Variants in CRLF2 observed in about 807,000 individuals in gnomAD.
CRLF2 encodes the protein cytokine receptor like factor 2, also known as cytokine receptor-like factor 2.
In CRLF2, 41 loss-of-function variants were observed where a neutral mutation model predicts 38.7. That is an observed-to-expected ratio of 1.06 (90% CI 0.83 to 1.37). The LOEUF is 1.37. Among genes scored for constraint, CRLF2 ranks in the 40% most tolerant of loss-of-function variants. The pLI, the probability that CRLF2 is intolerant of heterozygous loss-of-function variation, is 0.00. For synonymous variants in CRLF2, 140 were observed against 128.8 expected (o/e 1.09, Z -0.59); for missense variants, 377 against 322.2 (o/e 1.17, Z -1.30).
At chrX:1,193,707 G>A (rs1199890245) in intron 6 of CRLF2, among the ~76,000 whole-genome samples, 11 of 151,080 alleles carry the variant, frequency 7.3e-5, no homozygotes, top group East Asian at 3.9e-4. Context: ...GCGTGAACCC[G>A]GGAGGTGGAG....
Position 1,198,613 on chromosome X carries a change from A to G in CRLF2, c.595T>C (p.Tyr199His), listed in dbSNP as rs201170199. ...GTCACCTCTGACCAGTCGCTTGGGTATGTGTCTGGCCCATATACATCCTCC... is the reference window on the plus strand; with the variant it reads ...GTCACCTCTGACCAGTCGCTTGGGTGTGTGTCTGGCCCATATACATCCTCC... ...AMEDVYGPDT[Y>H]PSDWSEVTCW... Residue 199 changes from tyrosine (Y) to histidine (H), a missense_variant, in exon 5 of 8, where the codon TAC becomes CAC. Physicochemically the swap from Tyr to His is moderately conservative, Grantham distance 83. Coordinates refer to ENST00000400841, the MANE Select transcript of CRLF2 (RefSeq NM_022148.4). 5.9e-4 allele frequency: 945 copies of G among 1,613,508 alleles called. 2 individuals are homozygous for G. The highest frequency in any genetic ancestry group is 7.7e-4 in the Non-Finnish European group (908 of 1,179,672).
chrX:1,198,631 C>T lies in CRLF2; in HGVS notation c.577G>A (p.Val193Ile), dbSNP rs2086542357. The T allele has an allele frequency of 6.2e-6, 10 of 1,613,584 alleles. No homozygotes were observed. Among genetic ancestry groups the T allele is most frequent in the Non-Finnish European group, 8.5e-6 (10 of 1,179,636 alleles). ...FWVRVKAMEDVYGPDTYPSDW... is the reference protein window; with the variant it reads ...FWVRVKAMEDIYGPDTYPSDW... Reference sequence around the variant, plus strand: ...CTTGGGTATGTGTCTGGCCCATATACATCCTCCATAGCCTTCACCCTGACC... The same window carrying T: ...CTTGGGTATGTGTCTGGCCCATATATATCCTCCATAGCCTTCACCCTGACC... Residue 193 changes from valine (V) to isoleucine (I), a missense_variant, in exon 5 of 8, where the codon GTA becomes ATA. Coordinates refer to ENST00000400841, the MANE Select transcript of CRLF2 (RefSeq NM_022148.4).
intron 1 of CRLF2, among the ~76,000 whole-genome samples, chrX:1,211,139 A>G (rs28635629): frequency 0.44 from 62,896 of 141,580 alleles, 15,494 homozygotes; most frequent in African/African-American, 0.66. Context: ...GTCAGTGGAT[A>G]AATAAATGGA....
chrX:1,206,321 G>C (rs1420781342), intron 3 of CRLF2, 112 bp downstream of exon 3: 1 of 949,800 alleles, frequency 1.1e-6, no homozygotes. Flanking sequence ...CTTCTCAATA[G>C]TTAACGGTAA....
rs2086449927 is a variant in CRLF2, at chrX:1,194,858, C to A, written c.768-1556G>T. On this transcript the variant is annotated intron_variant, in intron 6 of 7. Coordinates refer to ENST00000400841, the MANE Select transcript of CRLF2 (RefSeq NM_022148.4). ...ACCAGCCTGGCCAACACGGTGAAAC[C>A]CCGTCTCTACTAAAAATACAAAAAT... Among the ~76,000 whole-genome samples, 5 of 151,832 alleles carry A rather than the reference C, an allele frequency of 3.3e-5. No individual in the cohort carries two copies. The South Asian group carries it at 1.0e-3, about 32-fold the overall frequency.
intron 2 of CRLF2, among the ~76,000 whole-genome samples, chrX:1,207,286 G>C (rs1352083220): frequency 1.4e-5 from 2 of 143,152 alleles, no homozygotes; most frequent in Non-Finnish European, 3.0e-5. Context: ...ACAGAGTTTT[G>C]TTCTTGTTGC....
In CRLF2 at chrX:1,206,613, CGAT is replaced by C. The variant is rs2086696188; in HGVS notation, c.183-17_183-15del. 1 of 1,610,912 alleles carries C rather than the reference CGAT, an allele frequency of 6.2e-7. No homozygotes were observed. Among genetic ancestry groups the C allele is most frequent in the East Asian group, 2.2e-5 (1 of 44,810 alleles). ...TCACCGTTGAATCTGTGGTTTAAAA[CGAT>C]GACCATTCAGCAACAAAACAAAAAA... On this transcript the variant is annotated splice_polypyrimidine_tract_variant and intron_variant, in intron 2 of 7. Transcript: ENST00000400841.
intron 1 of CRLF2, among the ~76,000 whole-genome samples, chrX:1,209,654 A>C (rs757348741): frequency 3.0e-4 from 46 of 152,200 alleles, no homozygotes; most frequent in African/African-American, 1.1e-3. Context: ...TTTTTGCAAA[A>C]GGTAAGTTCA....
rs1256436679 is a variant in CRLF2, at chrX:1,210,110, AAAAAAGAAAAGAAAAGAAAAG to A, written c.80-1223_80-1203del. The stretch of plus-strand genomic sequence containing the variant: ...CACAGCAAGACTCCCTATCAAAAAA[AAAAAAGAAAAGAAAAGAAAAG>A]AAAAGAAAAGAAAAGAAATGGGCCA... On this transcript the variant is annotated intron_variant, in intron 1 of 7. Coordinates refer to ENST00000400841, the MANE Select transcript of CRLF2 (RefSeq NM_022148.4). Among the ~76,000 whole-genome samples the A allele has an allele frequency of 4.1e-5, 4 of 98,008 alleles. 1 individual carries two copies. The highest frequency in any genetic ancestry group is 1.7e-4 in the African/African-American group (4 of 23,510). 64.3% of individuals were successfully genotyped at this position (98,008 alleles called of 152,430 possible).
chrX:1,196,163 G>A (rs1159372247), intron 6 of CRLF2, among the ~76,000 whole-genome samples: 3 of 146,006 alleles, frequency 2.1e-5, no homozygotes, highest in Non-Finnish European at 4.5e-5. Flanking sequence ...TTACAGACAT[G>A]AGCCACCACA....
At chrX:1,196,660 C>T (rs1603394509) in intron 6 of CRLF2, 120 bp downstream of exon 6, 2 of 1,248,754 alleles carry the variant, frequency 1.6e-6, no homozygotes, top group Non-Finnish European at 2.2e-6. Flanking sequence ...GAAGAGTGGG[C>T]ATTGTATGGA....
intron 6 of CRLF2, among the ~76,000 whole-genome samples, chrX:1,195,355 C>G (rs1472804513): frequency 2.2e-4 from 34 of 152,138 alleles, no homozygotes; most frequent in African/African-American, 7.9e-4. Flanking sequence ...AATATTAGAT[C>G]TTGGACCATT....
chrX:1,200,671 A>T (rs1381422405), intron 4 of CRLF2, among the ~76,000 whole-genome samples: 7 of 82,746 alleles, frequency 8.5e-5, no homozygotes, highest in African/African-American at 2.8e-4. Context: ...ATATATGTGT[A>T]TATAAGCTGT....
intron 1 of CRLF2, among the ~76,000 whole-genome samples, chrX:1,209,899 C>T (rs1443819009): frequency 6.6e-6 from 1 of 151,504 alleles, no homozygotes; most frequent in Admixed American, 6.6e-5. Context: ...GTCAGGAGTT[C>T]GAGACCAGCC....
intron 1 of CRLF2, among the ~76,000 whole-genome samples, chrX:1,209,967 G>C (rs2086765884): frequency 6.6e-6 from 1 of 151,736 alleles, no homozygotes; most frequent in Non-Finnish European, 1.5e-5. Context: ...AGCTGGACAT[G>C]GTGGTGGGTA....
chrX:1,206,687 G>T, intron 2 of CRLF2, 88 bp from the exon 3 acceptor site: 2 of 1,335,130 alleles, frequency 1.5e-6, no homozygotes, highest in Non-Finnish European at 1.1e-6. Context: ...TTGTCGCCCA[G>T]GTTGGAGTGC....
rs1294808490 is a variant in CRLF2 at position 1,205,883 on chromosome X, A to G, written c.349+550T>C. On this transcript the variant is annotated intron_variant, in intron 3 of 7. Transcript: ENST00000400841. ...ATAAGCTGAAGGAAGTACGAAAAGCATGGTGAGCTTGCTTTTCAATAGTTA... is the reference window on the plus strand; with the variant it reads ...ATAAGCTGAAGGAAGTACGAAAAGCGTGGTGAGCTTGCTTTTCAATAGTTA... Among the ~76,000 whole-genome samples the G allele has an allele frequency of 3.3e-5, 5 of 151,908 alleles. No homozygotes were observed. In the East Asian group the frequency reaches 7.7e-4, roughly 24 times the overall value.
intron 7 of CRLF2, among the ~76,000 whole-genome samples, chrX:1,192,767 TC>T (rs2086415846): frequency 1.5e-5 from 2 of 134,448 alleles, no homozygotes; most frequent in African/African-American, 2.9e-5. Context: ...TTTCTTTCTT[TC>T]CTTCCTTCCT....
intron 7 of CRLF2, among the ~76,000 whole-genome samples, chrX:1,192,765 T>C (rs1223534817): frequency 0.065 from 7,500 of 115,852 alleles, 267 homozygotes; most frequent in Non-Finnish European, 0.075. Flanking sequence ...TCTTTCTTTC[T>C]TTCCTTCCTT....
Sources: allele counts gnomAD v4.1 joint callset (sites outside exome capture counted in the v4.1 genomes callset), GRCh38; gene constraint gnomAD v4.1.1; transcripts MANE v1.5; gene names NCBI Gene and HGNC (gene_info 2026-07-23, HGNC 2026-07-21).